SUPT3H: variants seen among roughly 807,000 people sequenced by gnomAD.
The protein encoded by SUPT3H is transcription initiation protein SPT3 homolog.
A neutral mutation model predicts 44.3 loss-of-function variants in SUPT3H; 44 were observed. That is an observed-to-expected ratio of 0.99 (90% CI 0.78 to 1.28). SUPT3H has a LOEUF of 1.28. SUPT3H is among the 50% of genes most tolerant of loss of function. SUPT3H has a pLI of 0.00. For synonymous variants in SUPT3H, 124 were observed against 125.6 expected, an observed-to-expected ratio of 0.99 and a Z score of 0.09; for missense variants, 380 against 387.1, an observed-to-expected ratio of 0.98 and a Z score of 0.15.
At chr6:45,295,524 CAAAAAAAAAAAAAAA>C (rs752887669) in intron 2 of SUPT3H, among the ~76,000 whole-genome samples, 8 of 40,060 alleles carry the variant, frequency 2.0e-4, no homozygotes, top group Admixed American at 1.3e-3. Context: ...TTTTGCACAG[CAAAAAAAAAAAAAAA>C]AAAAAAAAAA....
chr6:44,861,146 C>T (rs906453906), intron 10 of SUPT3H, among the ~76,000 whole-genome samples: 43 of 152,028 alleles, frequency 2.8e-4, no homozygotes, highest in African/African-American at 8.5e-4. Context: ...TGTAGTAGCA[C>T]GATCACAGCT....
At chr6:44,916,303 C>T (rs1767796768) in intron 10 of SUPT3H, among the ~76,000 whole-genome samples, 1 of 152,204 alleles carries the variant, frequency 6.6e-6, no homozygotes. Flanking sequence ...TCAGTAAGCT[C>T]TCATTCCTGG....
chr6:45,179,737 T>C (rs1287455639), intron 2 of SUPT3H, among the ~76,000 whole-genome samples: 2 of 152,178 alleles, frequency 1.3e-5, no homozygotes, highest in Non-Finnish European at 2.9e-5. Context: ...GTAAGAGCTA[T>C]CTATGACAAA....
At chr6:45,089,402 T>C (rs1796865602) in intron 3 of SUPT3H, among the ~76,000 whole-genome samples, 1 of 152,062 alleles carries the variant, frequency 6.6e-6, no homozygotes, top group Non-Finnish European at 1.5e-5. Context: ...CCCATTTCAC[T>C]TGTAACCAGG....
chr6:45,123,018 C>T (rs1310013762), intron 2 of SUPT3H, among the ~76,000 whole-genome samples: 7 of 152,150 alleles, frequency 4.6e-5, no homozygotes, highest in Non-Finnish European at 8.8e-5. Context: ...AAAGCTGACA[C>T]TTAAGTGGAA....
At chr6:45,246,306 AC>A (rs1413988872) in intron 2 of SUPT3H, among the ~76,000 whole-genome samples, 1 of 152,060 alleles carries the variant, frequency 6.6e-6, no homozygotes, top group Non-Finnish European at 1.5e-5. Flanking sequence ...TTCTTTCGTT[AC>A]CTGTGTTTTT....
At chr6:45,002,259 C>T (rs1053382710) in intron 6 of SUPT3H, among the ~76,000 whole-genome samples, 2 of 152,000 alleles carry the variant, frequency 1.3e-5, no homozygotes, top group Admixed American at 1.3e-4. Context: ...TGCTGACCCC[C>T]AGTTTTCTAG....
At chr6:45,035,397 A>G (rs183773127) in intron 3 of SUPT3H, among the ~76,000 whole-genome samples, 44 of 152,222 alleles carry the variant, frequency 2.9e-4, no homozygotes, top group Admixed American at 1.8e-3. Flanking sequence ...TCAGACTCTC[A>G]AGAAATATTC....
chr6:45,129,857 A>G (rs981233808), intron 2 of SUPT3H, among the ~76,000 whole-genome samples: 4 of 152,016 alleles, frequency 2.6e-5, no homozygotes, highest in African/African-American at 9.7e-5. Flanking sequence ...GATGGAGAGG[A>G]AGACTGCAGG....
chr6:45,151,374 A>C (rs1182250470), intron 2 of SUPT3H, among the ~76,000 whole-genome samples: 1 of 152,182 alleles, frequency 6.6e-6, no homozygotes, highest in Non-Finnish European at 1.5e-5. Flanking sequence ...AGCAAGTTTC[A>C]AAAAGATTGA....
chr6:45,070,482 G>T (rs902176425), intron 3 of SUPT3H, among the ~76,000 whole-genome samples: 1 of 152,020 alleles, frequency 6.6e-6, no homozygotes, highest in African/African-American at 2.4e-5. Flanking sequence ...GGTGGCTCAC[G>T]CCTGTAATCC....
At chr6:45,339,879 G>A (rs866355545) in intron 2 of SUPT3H, among the ~76,000 whole-genome samples, 16 of 152,120 alleles carry the variant, frequency 1.1e-4, no homozygotes, top group East Asian at 1.9e-4. Context: ...ATTGTCGAGC[G>A]TTTACTGTAC....
chr6:45,032,807 A>G (rs1177832173), intron 3 of SUPT3H, among the ~76,000 whole-genome samples: 1 of 152,148 alleles, frequency 6.6e-6, no homozygotes, highest in Non-Finnish European at 1.5e-5. Flanking sequence ...CTTACCACTC[A>G]GCACTCTTCT....
At chr6:45,158,298 A>ATATATTTTTTTTTTT in intron 2 of SUPT3H, among the ~76,000 whole-genome samples, 5 of 99,688 alleles carry the variant, frequency 5.0e-5, no homozygotes, top group African/African-American at 2.5e-4. Context: ...ATATATATAT[A>ATATATTTTTTTTTTT]TTTTTTTTTT....
intron 2 of SUPT3H, among the ~76,000 whole-genome samples, chr6:45,243,718 A>G (rs906525463): frequency 3.9e-5 from 6 of 152,234 alleles, no homozygotes; most frequent in African/African-American, 1.4e-4. Flanking sequence ...GAATAGCCCT[A>G]TATGTATTAA....
chr6:44,890,753 TATAATA>T (rs759182550), intron 10 of SUPT3H, among the ~76,000 whole-genome samples: 44 of 114,390 alleles, frequency 3.8e-4, no homozygotes, highest in Admixed American at 3.8e-3. Flanking sequence ...AAACTTAAAG[TATAATA>T]ATAATAATAA....
chr6:45,045,286 T>C (rs1291795059), intron 3 of SUPT3H, among the ~76,000 whole-genome samples: 1 of 152,144 alleles, frequency 6.6e-6, no homozygotes, highest in Non-Finnish European at 1.5e-5. Context: ...GAAATGAAAC[T>C]GCTTCCTCCT....
chr6:45,300,228 A>G (rs920045587), intron 2 of SUPT3H, among the ~76,000 whole-genome samples: 1 of 152,242 alleles, frequency 6.6e-6, no homozygotes, highest in Admixed American at 6.5e-5. Context: ...CAAAGATAGA[A>G]CAAATCTTTT....
chr6:44,982,770 G>A (rs962211255), intron 6 of SUPT3H, among the ~76,000 whole-genome samples: 3 of 152,146 alleles, frequency 2.0e-5, no homozygotes, highest in South Asian at 4.1e-4. Flanking sequence ...TATGGCATTC[G>A]TAAGAATCTG....
Sources: allele counts gnomAD v4.1 joint callset (sites outside exome capture counted in the v4.1 genomes callset), GRCh38; gene constraint gnomAD v4.1.1; transcripts MANE v1.5; gene names NCBI Gene and HGNC (gene_info 2026-07-23, HGNC 2026-07-21).